The following ATP2A2 variants were observed in gnomAD, a reference collection of about 807,000 sequenced individuals.
ATP2A2 encodes the protein sarcoplasmic/endoplasmic reticulum calcium ATPase 2.
A neutral mutation model predicts 109.3 loss-of-function variants in ATP2A2; 14 were observed. That is an observed-to-expected ratio of 0.13 (90% CI 0.08 to 0.20). The LOEUF (loss-of-function observed/expected upper bound fraction) is 0.20, where lower values mean the gene tolerates loss of function less well. Ranked by LOEUF, ATP2A2 falls within the 10% of genes least tolerant of loss-of-function variation. The pLI is 1.00. For missense variants in ATP2A2, 657 were observed against 1,321.6 expected (o/e 0.50, Z 7.80); for synonymous variants, 506 against 490.9 (o/e 1.03, Z -0.41).
chr12:110,336,950 A>G (rs1034481229), intron 11 of ATP2A2, among the ~76,000 whole-genome samples: 4 of 152,138 alleles, frequency 2.6e-5, no homozygotes, highest in African/African-American at 9.7e-5. Flanking sequence ...CAGCCTGAAA[A>G]CAGCTTCACA....
chr12:110,299,739 T>C (rs1364613312), intron 5 of ATP2A2, among the ~76,000 whole-genome samples: 1 of 151,802 alleles, frequency 6.6e-6, no homozygotes, highest in South Asian at 2.1e-4. Flanking sequence ...CCCACCTCAG[T>C]CTCCTGAAAA....
At position 110,347,563 on chromosome 12, in the gene ATP2A2, T is replaced by G; in HGVS notation, c.*1093T>G. On this transcript the variant is annotated 3_prime_UTR_variant, in exon 20 of 20. Coordinates refer to ENST00000539276, the MANE Select transcript of ATP2A2 (RefSeq NM_170665.4). ...CTGGTATAGAGAACATAAGGGCAAG[T>G]GTGTATGTGTGTGTATGTGTGTGTT... The G allele has an allele frequency of 8.0e-7, 1 of 1,247,866 alleles. No individual in the cohort carries two copies. The allele number at this position is 1,247,866 out of a possible 1,614,324, so 77.3% of individuals were successfully genotyped here. A position where few individuals can be genotyped will look rare whatever the true frequency, so the allele number is the denominator to read the frequency against.
intron 5 of ATP2A2, among the ~76,000 whole-genome samples, chr12:110,298,886 T>C (rs1874248606): frequency 6.6e-6 from 1 of 152,228 alleles, no homozygotes; most frequent in South Asian, 2.1e-4. Context: ...AAGGATGTTC[T>C]CTTATATAAC....
intron 3 of ATP2A2, among the ~76,000 whole-genome samples, chr12:110,288,468 G>T (rs541503147): frequency 1.3e-5 from 2 of 151,394 alleles, no homozygotes; most frequent in Admixed American, 6.6e-5. Flanking sequence ...GCAATGGCGC[G>T]ATCTCGGCTC....
chr12:110,303,558 G>A (rs1298180970), intron 5 of ATP2A2, among the ~76,000 whole-genome samples: 1 of 151,996 alleles, frequency 6.6e-6, no homozygotes, highest in Non-Finnish European at 1.5e-5. Context: ...TTATAGGCAC[G>A]TACCACCACG....
chr12:110,302,107 C>T (rs968063837), intron 5 of ATP2A2, among the ~76,000 whole-genome samples: 7 of 152,034 alleles, frequency 4.6e-5, no homozygotes, highest in African/African-American at 1.7e-4. Flanking sequence ...ATGGGATTTT[C>T]CTTATTTATA....
chr12:110,334,220 A>G (rs1026724338), intron 11 of ATP2A2, 77 bp downstream of exon 11: 19 of 1,560,688 alleles, frequency 1.2e-5, no homozygotes, highest in South Asian at 5.6e-5. Flanking sequence ...GCACTGTCCT[A>G]CTCTCTTAGA....
chr12:110,323,847 T>G (rs1358991946), intron 6 of ATP2A2, among the ~76,000 whole-genome samples: 1 of 152,248 alleles, frequency 6.6e-6, no homozygotes, highest in South Asian at 2.1e-4. Context: ...GTTGAATTGT[T>G]GTCTGTTTTG....
rs1345183542 is a variant in ATP2A2 at position 110,332,625 on chromosome 12, A to T, written c.1124A>T (p.Asp375Val). 1 of 1,613,646 alleles carries T rather than the reference A, an allele frequency of 6.2e-7. No homozygotes were observed. Among genetic ancestry groups the T allele is most frequent in the Admixed American group, 1.7e-5 (1 of 60,004 alleles). ...TTCATTCTGGACAGAGTGGAAGGTGATACTTGTTCCCTTAATGAGTTTACC... is the reference window on the plus strand; with the variant it reads ...TTCATTCTGGACAGAGTGGAAGGTGTTACTTGTTCCCTTAATGAGTTTACC... ...RMFILDRVEG[D>V]TCSLNEFTIT... is the part of the protein sequence containing the mutation. The change falls in exon 9 of 20, where the codon GAT becomes GTT. Residue 375 changes from aspartate to valine, a missense_variant. This residue lies in a region of ATP2A2 where 46 missense variants were observed against 62.0 expected (regional missense o/e 0.74). Coordinates refer to ENST00000539276, the MANE Select transcript of ATP2A2 (RefSeq NM_170665.4).
chr12:110,288,835 A>G (rs1872952138), intron 3 of ATP2A2, among the ~76,000 whole-genome samples: 1 of 152,218 alleles, frequency 6.6e-6, no homozygotes. Context: ...CTATAGTACT[A>G]TAATACTGCA....
chr12:110,346,501 C>G lies in ATP2A2; in HGVS notation c.*31C>G. On this transcript the variant is annotated 3_prime_UTR_variant, in exon 20 of 20. Transcript: ENST00000539276. ...AGTTTTCCATAAAGAAGATGTTTAA[C>G]TTAATCAATTAATTTTTTTATTGTT... 1.2e-6 allele frequency: 2 copies of G among 1,613,730 alleles called. No individual in the cohort carries two copies. Among genetic ancestry groups the G allele is most frequent in the Non-Finnish European group, 1.7e-6 (2 of 1,179,890 alleles).
At chr12:110,286,797 A>G (rs1872709259) in intron 3 of ATP2A2, among the ~76,000 whole-genome samples, 1 of 151,614 alleles carries the variant, frequency 6.6e-6, no homozygotes, top group South Asian at 2.1e-4. Flanking sequence ...TACTAGGAGC[A>G]AAATGTGCTT....
chr12:110,311,472 C>T (rs911359808), intron 5 of ATP2A2, among the ~76,000 whole-genome samples: 10 of 151,652 alleles, frequency 6.6e-5, no homozygotes, highest in South Asian at 2.1e-4. Flanking sequence ...ACCCGTAACC[C>T]GTAATCCCAG....
intron 18 of ATP2A2, 90 bp downstream of exon 18, chr12:110,345,472 C>T: frequency 3.2e-6 from 5 of 1,561,206 alleles, no homozygotes; most frequent in Non-Finnish European, 4.4e-6. Flanking sequence ...TTGAGGATCA[C>T]AGGACAGTTC....
intron 5 of ATP2A2, 90 bp downstream of exon 5, chr12:110,296,827 T>C (rs1874010161): frequency 2.1e-6 from 3 of 1,414,056 alleles, no homozygotes; most frequent in South Asian, 1.3e-5. Context: ...TTTAAAATAA[T>C]TGTTTTCATG....
Position 110,347,751 on chromosome 12 carries a change from T to G in ATP2A2, c.*1281T>G. 9.3e-7 allele frequency: 1 copy of G among 1,079,948 alleles called. No homozygotes were observed. The highest frequency in any genetic ancestry group is 1.1e-6 in the Non-Finnish European group (1 of 884,718). The allele number at this position is 1,079,948 out of a possible 1,614,324, so 66.9% of individuals were successfully genotyped here. ...TGTAAGTCATTAACAGTCCTAACTG[T>G]GGTGTTTTCCTCCAATGCCTTCCAA... On this transcript the variant is annotated 3_prime_UTR_variant, in exon 20 of 20. Transcript: ENST00000539276.
At position 110,334,012 on chromosome 12, in the gene ATP2A2, G is replaced by A. The variant is rs767974635; in HGVS notation, c.1288G>A (p.Ala430Thr). The A allele has an allele frequency of 6.2e-6, 10 of 1,614,030 alleles. No individual in the cohort carries two copies. In the South Asian group the frequency reaches 9.9e-5, roughly 16 times the overall value. Residue 430 changes from alanine to threonine, a missense_variant and splice_region_variant, in exon 11 of 20, where the codon GCA becomes ACA. By Grantham distance (58) the Ala-to-Thr change is moderately conservative. This residue lies in a region of ATP2A2 where 180 missense variants were observed against 329.1 expected (regional missense o/e 0.55). Transcript: ENST00000539276. ...CNDSALDYNE[A>T]KGVYEKVGEA... ...CTTTCTGTGCCTTTAACCAATACAGGCAAAGGGTGTGTATGAAAAAGTTGG... is the reference window on the plus strand; with the variant it reads ...CTTTCTGTGCCTTTAACCAATACAGACAAAGGGTGTGTATGAAAAAGTTGG...
At chr12:110,296,776 T>C (rs201987205) in intron 5 of ATP2A2, 39 bp downstream of exon 5, 239 of 1,602,482 alleles carry the variant, frequency 1.5e-4, no homozygotes, top group Non-Finnish European at 1.9e-4. Context: ...TTCTAGATAG[T>C]ATTTCTGAAT....
At chr12:110,309,377 C>T (rs564657227) in intron 5 of ATP2A2, among the ~76,000 whole-genome samples, 1 of 151,154 alleles carries the variant, frequency 6.6e-6, no homozygotes, top group South Asian at 2.1e-4. Flanking sequence ...AGGCTGGTCT[C>T]GAACTCCTGG....
Sources: allele counts gnomAD v4.1 joint callset (sites outside exome capture counted in the v4.1 genomes callset), GRCh38; gene constraint gnomAD v4.1.1; regional missense constraint gnomAD v4.1.1; transcripts MANE v1.5; gene names NCBI Gene and HGNC (gene_info 2026-07-23, HGNC 2026-07-21).